Variants in CNTNAP5 observed in about 807,000 individuals in gnomAD.
CNTNAP5 encodes contactin-associated protein-like 5.
CNTNAP5 carries 72 observed loss-of-function variants against 150.2 expected under a neutral mutation model. The observed-to-expected ratio is 0.48, with a 90% CI of 0.40 to 0.58. The LOEUF (loss-of-function observed/expected upper bound fraction) is 0.58. CNTNAP5 is among the 20% of genes least tolerant of loss of function. CNTNAP5 has a pLI of 0.00. For missense variants in CNTNAP5, 1,636 were observed against 1,626.2 expected, an observed-to-expected ratio of 1.01 and a Z score of -0.10; for synonymous variants, 672 against 619.8, an observed-to-expected ratio of 1.08 and a Z score of -1.25.
chr2:124,779,707 T>C (rs916842161), intron 17 of CNTNAP5, among the ~76,000 whole-genome samples: 1 of 152,196 alleles, frequency 6.6e-6, no homozygotes, highest in Admixed American at 6.5e-5. Context: ...TTTGCTTCAT[T>C]ACCCTTTGAA....
At chr2:124,602,015 A>G (rs1696996123) in intron 11 of CNTNAP5, among the ~76,000 whole-genome samples, 1 of 152,224 alleles carries the variant, frequency 6.6e-6, no homozygotes, top group Non-Finnish European at 1.5e-5. Flanking sequence ...TCCAGAAGAT[A>G]CTTTTGATTT....
intron 1 of CNTNAP5, among the ~76,000 whole-genome samples, chr2:124,039,803 A>G (rs377392108): frequency 6.6e-6 from 1 of 152,188 alleles, no homozygotes; most frequent in South Asian, 2.1e-4. Flanking sequence ...AGGATGGTAT[A>G]TTTAATGGAT....
At chr2:124,320,817 T>G (rs1410492941) in intron 3 of CNTNAP5, among the ~76,000 whole-genome samples, 1 of 152,102 alleles carries the variant, frequency 6.6e-6, no homozygotes, top group African/African-American at 2.4e-5. Flanking sequence ...GTGTGACCCC[T>G]CCAAACAGAA....
At chr2:124,825,293 G>A (rs1275192744) in intron 19 of CNTNAP5, among the ~76,000 whole-genome samples, 1 of 152,092 alleles carries the variant, frequency 6.6e-6, no homozygotes, top group Non-Finnish European at 1.5e-5. Flanking sequence ...GTTTCCAATA[G>A]TATTTATTTT....
intron 10 of CNTNAP5, among the ~76,000 whole-genome samples, chr2:124,529,498 C>T (rs956985303): frequency 6.6e-6 from 1 of 152,108 alleles, no homozygotes; most frequent in African/African-American, 2.4e-5. Context: ...ATTTACCAGG[C>T]ACTGTGTCTA....
At chr2:124,336,186 C>T (rs1275779951) in intron 3 of CNTNAP5, among the ~76,000 whole-genome samples, 1 of 151,804 alleles carries the variant, frequency 6.6e-6, no homozygotes, top group Admixed American at 6.6e-5. Flanking sequence ...TAGCTTGGAC[C>T]AAGGAAGGTG....
At chr2:124,629,011 T>C (rs1210359270) in intron 12 of CNTNAP5, among the ~76,000 whole-genome samples, 1 of 152,188 alleles carries the variant, frequency 6.6e-6, no homozygotes, top group Non-Finnish European at 1.5e-5. Flanking sequence ...CAAAAGGAGC[T>C]ATTTAAAATA....
chr2:124,607,698 T>C (rs531276546), intron 11 of CNTNAP5, among the ~76,000 whole-genome samples: 28 of 152,224 alleles, frequency 1.8e-4, no homozygotes, highest in Non-Finnish European at 3.5e-4. Flanking sequence ...CCAAGGTTTA[T>C]GTTCTTAACT....
At chr2:124,525,512 A>G (rs374141335) in intron 9 of CNTNAP5, among the ~76,000 whole-genome samples, 1 of 152,230 alleles carries the variant, frequency 6.6e-6, no homozygotes, top group East Asian at 1.9e-4. Context: ...AATTATGCAT[A>G]GTCTCTTAAA....
chr2:124,869,794 G>A, intron 21 of CNTNAP5, 32 bp downstream of exon 21: 4 of 1,325,210 alleles, frequency 3.0e-6, no homozygotes, highest in Admixed American at 1.7e-5. Context: ...CTTTCCAGTG[G>A]GCTTTATTAA....
At chr2:124,385,744 A>C (rs1331037352) in intron 3 of CNTNAP5, among the ~76,000 whole-genome samples, 2 of 152,190 alleles carry the variant, frequency 1.3e-5, no homozygotes, top group African/African-American at 4.8e-5. Context: ...CTTCTTGGGC[A>C]AAAATAATCA....
intron 12 of CNTNAP5, among the ~76,000 whole-genome samples, chr2:124,625,886 C>T (rs188545934): frequency 2.6e-5 from 4 of 152,256 alleles, no homozygotes; most frequent in East Asian, 1.9e-4. Context: ...TTTATTTATT[C>T]GTACAACTAT....
intron 1 of CNTNAP5, among the ~76,000 whole-genome samples, chr2:124,166,177 G>C (rs1919848): frequency 0.97 from 147,479 of 152,250 alleles, 71,600 homozygotes; most frequent in East Asian, 1. Flanking sequence ...GCCTGCTCTG[G>C]TTCATTAGCC....
At chr2:124,867,287 C>T (rs747089499) in intron 20 of CNTNAP5, among the ~76,000 whole-genome samples, 3 of 152,178 alleles carry the variant, frequency 2.0e-5, no homozygotes, top group African/African-American at 7.2e-5. Context: ...TGACTTCTTA[C>T]AGTGTTCCAT....
intron 19 of CNTNAP5, among the ~76,000 whole-genome samples, chr2:124,849,305 G>C (rs980617826): frequency 7.9e-5 from 12 of 151,980 alleles, no homozygotes; most frequent in Admixed American, 7.9e-4. Flanking sequence ...GTTTATTTCT[G>C]GGATCTCTCC....
intron 16 of CNTNAP5, among the ~76,000 whole-genome samples, chr2:124,772,598 C>T (rs1681227868): frequency 6.6e-6 from 1 of 152,044 alleles, no homozygotes; most frequent in South Asian, 2.1e-4. Context: ...GCAAACGTAG[C>T]AGGAAAAAAA....
chr2:124,383,320 C>T (rs773185565), intron 3 of CNTNAP5, among the ~76,000 whole-genome samples: 15 of 152,124 alleles, frequency 9.9e-5, no homozygotes, highest in Non-Finnish European at 1.9e-4. Context: ...ACGGGAAAAC[C>T]GAGGTCTTGA....
intron 1 of CNTNAP5, among the ~76,000 whole-genome samples, chr2:124,137,538 T>C (rs937629156): frequency 1.2e-4 from 18 of 152,158 alleles, no homozygotes; most frequent in Non-Finnish European, 2.5e-4. Context: ...TTTTAGAGAT[T>C]TTTTTTCAGT....
intron 19 of CNTNAP5, among the ~76,000 whole-genome samples, chr2:124,812,746 A>C (rs1025901606): frequency 1.3e-5 from 2 of 152,258 alleles, no homozygotes; most frequent in East Asian, 3.9e-4. Flanking sequence ...TTTCTGGACC[A>C]AACCAATGGT....
Sources: gnomAD v4.1 joint callset for allele counts (sites outside exome capture counted in the v4.1 genomes callset) on GRCh38, gnomAD v4.1.1 for gene constraint, MANE v1.5 for transcripts, NCBI Gene and HGNC (gene_info 2026-07-23, HGNC 2026-07-21) for gene names.